The following CAST variants were observed in gnomAD, a reference collection of about 807,000 sequenced individuals.
The protein encoded by CAST is MIR583 host.
A neutral mutation model predicts 119.6 loss-of-function variants in CAST; 76 were observed. The observed-to-expected ratio is 0.64, with a 90% CI of 0.53 to 0.77. CAST has a LOEUF of 0.77. Among genes scored for constraint, CAST ranks in the 30% least tolerant of loss-of-function variants. CAST has a pLI of 0.00. For missense variants in CAST, 953 were observed against 946.5 expected (o/e 1.01, Z -0.09); for synonymous variants, 319 against 331.6 (o/e 0.96, Z 0.41).
chr5:96,137,127 T>G, the CAST span, among the ~76,000 whole-genome samples: 2 of 152,192 alleles, frequency 1.3e-5, no homozygotes, highest in Non-Finnish European at 1.5e-5. Context: ...GTATCTGCCA[T>G]TTCAGTAATA....
chr5:96,681,666 G>C (rs904908766), intron 2 of CAST, among the ~76,000 whole-genome samples: 1 of 148,084 alleles, frequency 6.8e-6, no homozygotes, highest in Non-Finnish European at 1.5e-5. Context: ...CCGGGAGGCG[G>C]AGCTTGCAGT....
chr5:96,499,388 A>T, the CAST span, among the ~76,000 whole-genome samples: 77 of 152,190 alleles, frequency 5.1e-4, no homozygotes, highest in Non-Finnish European at 9.7e-4. Context: ...AGTGTAGTCT[A>T]CTAGGTGTGC....
At chr5:96,169,321 G>A in the CAST span, among the ~76,000 whole-genome samples, 4 of 152,176 alleles carry the variant, frequency 2.6e-5, no homozygotes, top group East Asian at 1.9e-4. Flanking sequence ...AACTGAAAGC[G>A]AAGAGAGGCT....
intron 1 of CAST, among the ~76,000 whole-genome samples, chr5:96,584,140 T>C (rs1477828251): frequency 6.6e-6 from 1 of 152,178 alleles, no homozygotes; most frequent in Admixed American, 6.5e-5. Context: ...TGGGAGGAGA[T>C]GGTTTCAAGA....
intron 1 of CAST, among the ~76,000 whole-genome samples, chr5:96,664,015 T>C (rs1185517467): frequency 6.6e-6 from 1 of 152,144 alleles, no homozygotes; most frequent in African/African-American, 2.4e-5. Context: ...CATTGATTTA[T>C]GGTGAGAATT....
the CAST span, among the ~76,000 whole-genome samples, chr5:96,045,449 CT>C: frequency 7.3e-3 from 1,108 of 151,806 alleles, 22 homozygotes; most frequent in East Asian, 0.068. Flanking sequence ...ACTTAATAAA[CT>C]TTTTTTTCTT....
chr5:96,700,266 T>C (rs1753726269), intron 3 of CAST, among the ~76,000 whole-genome samples: 1 of 152,220 alleles, frequency 6.6e-6, no homozygotes, highest in South Asian at 2.1e-4. Context: ...AAAAGTAAAC[T>C]AGCACATCAA....
the CAST span, among the ~76,000 whole-genome samples, chr5:96,191,806 G>C: frequency 6.6e-6 from 1 of 152,208 alleles, no homozygotes; most frequent in Admixed American, 6.5e-5. Context: ...TTGACCTCAG[G>C]ATGTGCCCAC....
chr5:96,299,021 C>G, the CAST span, among the ~76,000 whole-genome samples: 1 of 151,874 alleles, frequency 6.6e-6, no homozygotes, highest in Non-Finnish European at 1.5e-5. Context: ...GGATGGATCA[C>G]CTGAGGTCAA....
chr5:96,117,081 T>C, the CAST span, among the ~76,000 whole-genome samples: 1 of 152,338 alleles, frequency 6.6e-6, no homozygotes, highest in Admixed American at 6.5e-5. Flanking sequence ...TGAGCAGCCC[T>C]GGCTGCTGCT....
At chr5:96,347,504 C>G in the CAST span, among the ~76,000 whole-genome samples, 12 of 152,156 alleles carry the variant, frequency 7.9e-5, no homozygotes, top group Non-Finnish European at 1.6e-4. Flanking sequence ...TACTAGCATA[C>G]CAAGCTGGTC....
In CAST at chr5:96,695,866, T is replaced by C. The variant is rs772148373; in HGVS notation, c.169T>C (p.Ser57Pro). 1 of 1,613,320 alleles carries C rather than the reference T, an allele frequency of 6.2e-7. No individual in the cohort carries two copies. Among genetic ancestry groups the C allele is most frequent in the Non-Finnish European group, 8.5e-7 (1 of 1,179,524 alleles). Residue 57 changes from serine to proline, a missense_variant, in exon 3 of 32, where the codon TCC becomes CCC. By Grantham distance (74) the Ser-to-Pro change is moderately conservative (BLOSUM62 -1). Transcript: ENST00000675179. ...KKAASLGSSQSSRTYAGGTAS... is the reference protein window; with the variant it reads ...KKAASLGSSQPSRTYAGGTAS... ...AGCAGCAAGCCTCGGCAGCAGTCAA[T>C]CCTCCAGAACCTATGCTGGTGGAAC...
At chr5:96,716,299 T>C (rs1184756452) in intron 3 of CAST, among the ~76,000 whole-genome samples, 3 of 152,204 alleles carry the variant, frequency 2.0e-5, no homozygotes, top group Non-Finnish European at 4.4e-5. Context: ...GTTGTACAAC[T>C]CCTGGTTGAT....
At chr5:96,249,965 G>T in the CAST span, among the ~76,000 whole-genome samples, 1 of 152,088 alleles carries the variant, frequency 6.6e-6, no homozygotes, top group South Asian at 2.1e-4. Flanking sequence ...TCTTAGGTTG[G>T]GCTGACATCT....
At chr5:96,577,431 T>C (rs1408336738) in intron 1 of CAST, among the ~76,000 whole-genome samples, 3 of 152,070 alleles carry the variant, frequency 2.0e-5, no homozygotes, top group African/African-American at 7.2e-5. Flanking sequence ...GTCTGGGGCT[T>C]ATTTTTCTCT....
At chr5:96,223,552 C>G in the CAST span, among the ~76,000 whole-genome samples, 1 of 152,156 alleles carries the variant, frequency 6.6e-6, no homozygotes, top group Non-Finnish European at 1.5e-5. Context: ...AAGGATTTTT[C>G]CCTAGAATCT....
chr5:96,433,296 C>G, the CAST span: 1 of 530,568 alleles, frequency 1.9e-6, no homozygotes, highest in Non-Finnish European at 3.4e-6. Context: ...GTTTACACGT[C>G]AAATCGACGA....
rs142658914 is a variant in CAST at position 96,741,325 on chromosome 5, G to A, written c.978G>A (p.Ser326=). ...TGTCATCTGACTTCACCTGTGGGTCGCCTACAGCTGCTGGAAAGAAAACTG... is the reference window on the plus strand; with the variant it reads ...TGTCATCTGACTTCACCTGTGGGTCACCTACAGCTGCTGGAAAGAAAACTG... ...DALSSDFTCG[S]PTAAGKKTEK... is the part of the protein sequence containing the mutation. Residue 326 remains serine (S), a synonymous_variant, in exon 14 of 32, where the codon TCG becomes TCA. Transcript: ENST00000675179. 88 of 1,612,150 alleles carry A rather than the reference G, an allele frequency of 5.5e-5. No homozygotes were observed. The African/African-American group carries it at 7.1e-4, about 13-fold the overall frequency.
the CAST span, among the ~76,000 whole-genome samples, chr5:95,967,769 C>T: frequency 1.3e-5 from 2 of 152,328 alleles, no homozygotes; most frequent in African/African-American, 4.8e-5. Context: ...AATTAAACCT[C>T]TTACCTTTAT....
Sources: gnomAD v4.1 joint callset for allele counts (sites outside exome capture counted in the v4.1 genomes callset) on GRCh38, gnomAD v4.1.1 for gene constraint, MANE v1.5 for transcripts, NCBI Gene and HGNC (gene_info 2026-07-23, HGNC 2026-07-21) for gene names.